The following PRKN variants were observed in gnomAD, a reference collection of about 807,000 sequenced individuals.
The protein encoded by PRKN is E3 ubiquitin-protein ligase parkin.
Under a neutral mutation model 59.5 loss-of-function variants are expected in PRKN, and 56 were observed. The ratio of observed to expected loss-of-function variants is 0.94; its 90% CI spans 0.76 to 1.18. PRKN has a LOEUF of 1.18. PRKN is among the 50% of genes most tolerant of loss of function. The pLI is 0.00. For synonymous variants in PRKN, 250 were observed against 222.1 expected, an observed-to-expected ratio of 1.13 and a Z score of -1.12; for missense variants, 657 against 596.4, an observed-to-expected ratio of 1.10 and a Z score of -1.06.
intron 7 of PRKN, among the ~76,000 whole-genome samples, chr6:161,762,646 C>T (rs1033125571): frequency 4.5e-4 from 69 of 152,186 alleles, no homozygotes; most frequent in African/African-American, 1.5e-3. Context: ...CTACAAAAAC[C>T]GGTGGCCACA....
intron 6 of PRKN, among the ~76,000 whole-genome samples, chr6:161,968,692 A>C (rs1348029677): frequency 6.6e-6 from 1 of 152,230 alleles, no homozygotes; most frequent in Non-Finnish European, 1.5e-5. Context: ...TAAAACAATT[A>C]TAAGAATAAA....
At chr6:162,509,311 C>T (rs1412868716) in intron 1 of PRKN, among the ~76,000 whole-genome samples, 2 of 152,196 alleles carry the variant, frequency 1.3e-5, no homozygotes, top group East Asian at 3.9e-4. Context: ...TTGGCACAGA[C>T]AGCCCATTCT....
Position 161,685,042 on chromosome 6 carries a change from C to CT in PRKN, c.871+100729dup, listed in dbSNP as rs567630671. On this transcript the variant is annotated intron_variant, in intron 7 of 11. Coordinates refer to ENST00000366898, the MANE Select transcript of PRKN (RefSeq NM_004562.3). Reference sequence around the variant, plus strand: ...GACTATTGGAAACAACTGAAAAACTCTTTTTTTTCCTATTAGAACATCGAA... The same window carrying CT: ...GACTATTGGAAACAACTGAAAAACTCTTTTTTTTTCCTATTAGAACATCGAA... 1.4e-3 allele frequency among the ~76,000 whole-genome samples: 214 copies of CT among 152,164 alleles called. 2 individuals carry two copies. The highest frequency in any genetic ancestry group is 4.7e-3 in the African/African-American group (194 of 41,528).
At chr6:161,907,059 T>C (rs1286696056) in intron 6 of PRKN, among the ~76,000 whole-genome samples, 3 of 152,298 alleles carry the variant, frequency 2.0e-5, no homozygotes, top group East Asian at 3.9e-4. Flanking sequence ...CCAGGAATGA[T>C]ACTTTGCATC....
intron 9 of PRKN, among the ~76,000 whole-genome samples, chr6:161,507,769 C>T (rs1778228842): frequency 6.6e-6 from 1 of 152,296 alleles, no homozygotes; most frequent in East Asian, 1.9e-4. Context: ...CCTACCCTCA[C>T]TAAAACCTCC....
At chr6:161,764,350 G>C (rs1369633265) in intron 7 of PRKN, among the ~76,000 whole-genome samples, 1 of 152,234 alleles carries the variant, frequency 6.6e-6, no homozygotes, top group Non-Finnish European at 1.5e-5. Context: ...CAGTGTAGTA[G>C]ATACTGCCTA....
At chr6:162,012,038 G>A (rs2128271196) in intron 5 of PRKN, among the ~76,000 whole-genome samples, 1 of 152,160 alleles carries the variant, frequency 6.6e-6, no homozygotes, top group African/African-American at 2.4e-5. Context: ...CACGCAAAAT[G>A]CTTTCCATGC....
At chr6:161,942,752 G>A (rs1779612523) in intron 6 of PRKN, among the ~76,000 whole-genome samples, 1 of 152,044 alleles carries the variant, frequency 6.6e-6, no homozygotes. Context: ...CATTTATTTG[G>A]AAACGTTAAG....
At chr6:162,647,230 T>C (rs1368865860) in intron 1 of PRKN, among the ~76,000 whole-genome samples, 1 of 152,028 alleles carries the variant, frequency 6.6e-6, no homozygotes, top group East Asian at 1.9e-4. Flanking sequence ...AATGTTGATA[T>C]ATTAATCCAA....
Position 161,350,157 on chromosome 6 carries a change from C to T in PRKN, c.1340G>A (p.Trp447Ter), listed in dbSNP as rs1784464995. 6.2e-7 allele frequency: 1 copy of T among 1,613,514 alleles called. No homozygotes were observed. Among genetic ancestry groups the T allele is most frequent in the Non-Finnish European group, 8.5e-7 (1 of 1,179,962 alleles). ...PQPQCRLEWC[W>*]NCGCEWNRVC... is the part of the protein sequence containing the mutation. ...GCGGTTCCACTCGCAGCCACAGTTC[C>T]AGCACCACTCGAGCCTGCACTGGGG... The change falls in exon 12 of 12, where the codon TGG becomes TAG. Residue 447 changes from tryptophan to a stop codon, truncating the protein, a stop_gained. Transcript: ENST00000366898. LOFTEE classifies it high-confidence loss of function.
At chr6:162,446,342 G>A (rs1790316571) in intron 1 of PRKN, among the ~76,000 whole-genome samples, 1 of 152,290 alleles carries the variant, frequency 6.6e-6, no homozygotes, top group East Asian at 1.9e-4. Context: ...TTGTGCCAAA[G>A]CTGCTATAAA....
chr6:162,279,804 T>A (rs1267911395), intron 2 of PRKN, among the ~76,000 whole-genome samples: 1 of 152,072 alleles, frequency 6.6e-6, no homozygotes, highest in Non-Finnish European at 1.5e-5. Flanking sequence ...TGTGTGGGAG[T>A]CTAAGTCTCT....
At chr6:161,741,646 C>A (rs903604202) in intron 7 of PRKN, among the ~76,000 whole-genome samples, 4 of 152,096 alleles carry the variant, frequency 2.6e-5, no homozygotes, top group Non-Finnish European at 5.9e-5. Context: ...GTAAACACAC[C>A]ACGAGGGTTC....
intron 1 of PRKN, among the ~76,000 whole-genome samples, chr6:162,546,954 G>C (rs557162285): frequency 1.3e-5 from 2 of 152,080 alleles, no homozygotes; most frequent in Non-Finnish European, 2.9e-5. Context: ...TTTATCAGAG[G>C]TTTATTTCCT....
rs1487617839 is a variant in PRKN, at chr6:162,058,304, C to T, written c.535-4130G>A. On this transcript the variant is annotated intron_variant, in intron 4 of 11. Coordinates refer to ENST00000366898, the MANE Select transcript of PRKN (RefSeq NM_004562.3). ...GCAAGGTTGTCACATCATTCTGAAA[C>T]GAGTCAGGGGATAATTAGGTAATTG... Among the ~76,000 whole-genome samples the T allele has an allele frequency of 5.9e-5, 9 of 152,134 alleles. 1 individual carries two copies. Among genetic ancestry groups the T allele is most frequent in the Admixed American group, 3.9e-4 (6 of 15,280 alleles).
At chr6:162,256,629 A>G (rs1322286997) in intron 3 of PRKN, among the ~76,000 whole-genome samples, 2 of 151,886 alleles carry the variant, frequency 1.3e-5, no homozygotes, top group African/African-American at 2.4e-5. Flanking sequence ...ATCTTGGCAT[A>G]TGGGCAGTGT....
At chr6:162,699,073 G>C (rs535588098) in intron 1 of PRKN, among the ~76,000 whole-genome samples, 5 of 152,288 alleles carry the variant, frequency 3.3e-5, no homozygotes, top group African/African-American at 1.2e-4. Context: ...AGCTGGTACT[G>C]GCTTTATATA....
In PRKN at chr6:161,960,269, G is replaced by A. The variant is rs144947051; in HGVS notation, c.734+13033C>T. On this transcript the variant is annotated intron_variant, in intron 6 of 11. Coordinates refer to ENST00000366898, the MANE Select transcript of PRKN (RefSeq NM_004562.3). Reference sequence around the variant, plus strand: ...AAGGACAGAGGCAAAAGATGGCAGAGCCAGGTTCTGTACACACAGTCTGGC... The same window carrying A: ...AAGGACAGAGGCAAAAGATGGCAGAACCAGGTTCTGTACACACAGTCTGGC... 1.2e-4 allele frequency among the ~76,000 whole-genome samples: 18 copies of A among 152,312 alleles called. No individual in the cohort carries two copies. The East Asian group carries it at 1.3e-3, about 11-fold the overall frequency.
At chr6:162,075,533 T>C (rs1778786048) in intron 4 of PRKN, among the ~76,000 whole-genome samples, 1 of 152,004 alleles carries the variant, frequency 6.6e-6, no homozygotes, top group African/African-American at 2.4e-5. Flanking sequence ...AAAGTCCACA[T>C]TGTATTTAAT....
Sources: gnomAD v4.1 joint callset for allele counts (sites outside exome capture counted in the v4.1 genomes callset) on GRCh38, gnomAD v4.1.1 for gene constraint, MANE v1.5 for transcripts, NCBI Gene and HGNC (gene_info 2026-07-23, HGNC 2026-07-21) for gene names.